VPS53: variants seen among roughly 807,000 people sequenced by gnomAD.
VPS53 encodes vacuolar protein sorting-associated protein 53 homolog.
Under a neutral mutation model 107.0 loss-of-function variants are expected in VPS53, and 70 were observed. The ratio of observed to expected loss-of-function variants is 0.65; its 90% confidence interval spans 0.54 to 0.80. The LOEUF is 0.80. Among genes scored for constraint, VPS53 ranks in the 30% least tolerant of loss-of-function variants. VPS53 has a pLI of 0.00. For synonymous variants in VPS53, 409 were observed against 393.3 expected (o/e 1.04, Z -0.47); for missense variants, 917 against 1,049.4 (o/e 0.87, Z 1.74).
chr17:565,816 A>G (rs1182746353), intron 13 of VPS53, among the ~76,000 whole-genome samples: 1 of 152,162 alleles, frequency 6.6e-6, no homozygotes, highest in African/African-American at 2.4e-5. Context: ...AAGCTCATCC[A>G]GGTCTCACCC....
intron 13 of VPS53, among the ~76,000 whole-genome samples, chr17:566,203 C>CAAAAA (rs1003234136): frequency 1.7e-5 from 1 of 57,298 alleles, no homozygotes; most frequent in African/African-American, 5.2e-5. Flanking sequence ...GACTCCGTCT[C>CAAAAA]AAAAAAAAAA....
chr17:692,667 C>G (rs924580024), intron 4 of VPS53, among the ~76,000 whole-genome samples: 5 of 151,522 alleles, frequency 3.3e-5, no homozygotes, highest in Non-Finnish European at 2.9e-5. Context: ...ATTTAAGACA[C>G]CATGAATGTG....
At chr17:623,484 C>G in intron 11 of VPS53, 49 bp downstream of exon 11, 1 of 1,575,138 alleles carries the variant, frequency 6.3e-7, no homozygotes, top group Admixed American at 1.8e-5. Flanking sequence ...TGAATCCCAA[C>G]CACCCAACCC....
At chr17:625,344 T>G (rs1935303551) in intron 10 of VPS53, among the ~76,000 whole-genome samples, 1 of 152,052 alleles carries the variant, frequency 6.6e-6, no homozygotes. Context: ...CACCTGTAGT[T>G]GCAGCTACTT....
chr17:576,305 T>C (rs936793454), intron 13 of VPS53, among the ~76,000 whole-genome samples: 1 of 151,564 alleles, frequency 6.6e-6, no homozygotes, highest in Admixed American at 6.6e-5. Flanking sequence ...CTCAATGCAT[T>C]CCCAAAGAAC....
intron 11 of VPS53, among the ~76,000 whole-genome samples, chr17:604,769 A>T (rs549229568): frequency 1.3e-5 from 2 of 152,288 alleles, no homozygotes; most frequent in East Asian, 3.9e-4. Context: ...GGAGTTGTGG[A>T]CATCAAGGAG....
At chr17:650,052 A>T (rs2143458364) in intron 7 of VPS53, among the ~76,000 whole-genome samples, 1 of 152,358 alleles carries the variant, frequency 6.6e-6, no homozygotes, top group South Asian at 2.1e-4. Flanking sequence ...ATTAAGAGAC[A>T]TGGCAGCAGA....
chr17:518,228 G>A lies in VPS53; in HGVS notation c.*900C>T, dbSNP rs1383265866. 6.6e-6 allele frequency: 1 copy of A among 151,956 alleles called. No individual in the cohort carries two copies. Among genetic ancestry groups the A allele is most frequent in the East Asian group, 1.9e-4 (1 of 5,162 alleles). The allele number at this position is 151,956 out of a possible 1,614,324, so 9.4% of individuals were successfully genotyped here. A position where few individuals can be genotyped will look rare whatever the true frequency, so the allele number is the denominator to read the frequency against. ...TGGATGCAGGATGACATGAGAGGTC[G>A]GGAGCAGTCTCTTCGGCAAGCCCTG... On this transcript the variant is annotated 3_prime_UTR_variant, in exon 22 of 22. Transcript: ENST00000437048.
rs368879669 is a variant in VPS53 at position 524,176 on chromosome 17, G to A, written c.2086-2438C>T. ...TAGCCGGGTGTGGTGGCGCATGCCT[G>A]TAATCCCAGCTACTCGGGAGGCTGA... On this transcript the variant is annotated intron_variant, in intron 19 of 21. Coordinates refer to ENST00000437048, the MANE Select transcript of VPS53 (RefSeq NM_001128159.3). The surrounding 1 kb of genome is among the most constrained non-coding windows in gnomAD (Gnocchi z 4.5). Among the ~76,000 whole-genome samples the A allele has an allele frequency of 6.6e-6, 1 of 152,144 alleles. No homozygotes were observed. Among genetic ancestry groups the A allele is most frequent in the African/African-American group, 2.4e-5 (1 of 41,428 alleles).
At chr17:693,952 A>G (rs186766361) in intron 4 of VPS53, among the ~76,000 whole-genome samples, 141 of 152,314 alleles carry the variant, frequency 9.3e-4, no homozygotes, top group Admixed American at 2.6e-3. Flanking sequence ...ATTTTGGAAC[A>G]TCCGTAATTC....
chr17:673,139 A>AC (rs1972032319), intron 4 of VPS53, among the ~76,000 whole-genome samples: 1 of 151,918 alleles, frequency 6.6e-6, no homozygotes, highest in African/African-American at 2.4e-5. Context: ...AAAAACAAAA[A>AC]AAAAACAACG....
At chr17:563,749 G>T (rs1476260113) in intron 13 of VPS53, among the ~76,000 whole-genome samples, 1 of 152,200 alleles carries the variant, frequency 6.6e-6, no homozygotes, top group Admixed American at 6.5e-5. Context: ...CTGGCTCTAA[G>T]CTTCAAGCCT....
chr17:581,748 CA>C (rs144044476), intron 13 of VPS53, among the ~76,000 whole-genome samples: 6,380 of 151,902 alleles, frequency 0.042, 426 homozygotes, highest in African/African-American at 0.14. Context: ...AATGCGTTCC[CA>C]GAGATCCTCC....
chr17:700,388 C>CAA (rs879305004), intron 2 of VPS53, among the ~76,000 whole-genome samples: 2 of 139,044 alleles, frequency 1.4e-5, no homozygotes, highest in African/African-American at 5.3e-5. Context: ...ACTAAAAATA[C>CAA]AAAAAAAAAA....
chr17:707,214 T>C (rs1015300002), intron 2 of VPS53, among the ~76,000 whole-genome samples: 1 of 152,158 alleles, frequency 6.6e-6, no homozygotes, highest in Non-Finnish European at 1.5e-5. Flanking sequence ...GGCTTAAAAA[T>C]TATCCAAGTG....
intron 17 of VPS53, 97 bp downstream of exon 17, chr17:551,775 G>T: frequency 3.7e-6 from 4 of 1,092,864 alleles, no homozygotes; most frequent in Non-Finnish European, 5.0e-6. Flanking sequence ...GATCCTTTAC[G>T]CTCCGATGAG....
intron 1 of VPS53, among the ~76,000 whole-genome samples, chr17:712,179 T>C (rs1197607962): frequency 1.0e-4 from 5 of 50,028 alleles, no homozygotes. Flanking sequence ...ACTTTCGCCT[T>C]TTTTTTTTTT....
chr17:669,650 T>G (rs959541891), intron 4 of VPS53, among the ~76,000 whole-genome samples: 1 of 149,886 alleles, frequency 6.7e-6, no homozygotes, highest in Non-Finnish European at 1.5e-5. Context: ...TCCCAGCACT[T>G]TGGGAGGCTG....
chr17:573,898 C>G (rs1377921713), intron 13 of VPS53, among the ~76,000 whole-genome samples: 1 of 152,164 alleles, frequency 6.6e-6, no homozygotes, highest in African/African-American at 2.4e-5. Context: ...CAGTCCCCAC[C>G]TGAGTTCCTT....
Sources: gnomAD v4.1 joint callset for allele counts (sites outside exome capture counted in the v4.1 genomes callset) on GRCh38, gnomAD v4.1.1 for gene constraint, Gnocchi (gnomAD v3.1) non-coding constraint, MANE v1.5 for transcripts, NCBI Gene and HGNC (gene_info 2026-07-23, HGNC 2026-07-21) for gene names.